SLC16A9: variants seen among roughly 807,000 people sequenced by gnomAD.
SLC16A9 encodes the protein solute carrier family 16 member 9, also known as monocarboxylate transporter 9.
In SLC16A9, 26 loss-of-function variants were observed where a neutral mutation model predicts 44.3. That is an observed-to-expected ratio of 0.59 (90% confidence interval 0.43 to 0.81). SLC16A9 has a LOEUF of 0.81. SLC16A9 is among the 40% of genes least tolerant of loss of function. SLC16A9 has a pLI of 0.00. For missense variants in SLC16A9, 559 were observed against 595.8 expected (o/e 0.94, Z 0.64); for synonymous variants, 230 against 225.1 (o/e 1.02, Z -0.19).
At chr10:59,688,665 A>G (rs992894240) in intron 1 of SLC16A9, among the ~76,000 whole-genome samples, 7 of 151,822 alleles carry the variant, frequency 4.6e-5, no homozygotes, top group African/African-American at 1.7e-4. Context: ...AATCCTCTTT[A>G]AAGAAAATAT....
intron 4 of SLC16A9, among the ~76,000 whole-genome samples, chr10:59,661,911 T>C (rs1180901590): frequency 1.3e-5 from 2 of 151,980 alleles, no homozygotes; most frequent in Admixed American, 6.6e-5. Flanking sequence ...ATAAATGGTG[T>C]TGGGAAAACA....
intron 1 of SLC16A9, among the ~76,000 whole-genome samples, chr10:59,702,616 C>A (rs1463138932): frequency 6.6e-6 from 1 of 152,204 alleles, no homozygotes; most frequent in Non-Finnish European, 1.5e-5. Context: ...GTCAGGCCCA[C>A]TTGTTTGTAG....
chr10:59,656,523 A>T (rs749603645), intron 4 of SLC16A9, among the ~76,000 whole-genome samples: 1 of 152,232 alleles, frequency 6.6e-6, no homozygotes, highest in Non-Finnish European at 1.5e-5. Flanking sequence ...CAAATTACAC[A>T]TTGGAGGCTA....
intron 1 of SLC16A9, among the ~76,000 whole-genome samples, chr10:59,702,401 G>A (rs867088091): frequency 3.3e-5 from 5 of 152,032 alleles, no homozygotes; most frequent in African/African-American, 7.3e-5. Context: ...TAACATACTC[G>A]CTGATGTGAA....
At chr10:59,677,319 G>A (rs1304700780) in intron 2 of SLC16A9, among the ~76,000 whole-genome samples, 1 of 151,698 alleles carries the variant, frequency 6.6e-6, no homozygotes, top group Non-Finnish European at 1.5e-5. Context: ...TTAAACTCCT[G>A]GTCTCAAGTG....
intron 3 of SLC16A9, among the ~76,000 whole-genome samples, chr10:59,671,288 C>T (rs1444128444): frequency 6.6e-6 from 1 of 152,104 alleles, no homozygotes; most frequent in Non-Finnish European, 1.5e-5. Context: ...GAAGGAAAGG[C>T]CAGGACTCTA....
At chr10:59,696,823 C>A in intron 1 of SLC16A9, among the ~76,000 whole-genome samples, 1 of 151,492 alleles carries the variant, frequency 6.6e-6, no homozygotes, top group Non-Finnish European at 1.5e-5. Flanking sequence ...AGCCCCTCCG[C>A]CCGGCAGCCA....
chr10:59,691,182 G>C (rs1052794799), intron 1 of SLC16A9, among the ~76,000 whole-genome samples: 2 of 152,166 alleles, frequency 1.3e-5, no homozygotes, highest in Non-Finnish European at 2.9e-5. Context: ...TACATTCAAC[G>C]TTTTGGAGTC....
intron 2 of SLC16A9, among the ~76,000 whole-genome samples, chr10:59,675,822 A>G (rs1839846808): frequency 6.6e-6 from 1 of 152,208 alleles, no homozygotes; most frequent in Admixed American, 6.5e-5. Flanking sequence ...AAACCCCAGA[A>G]CCATGCCAAC....
At chr10:59,658,230 C>T (rs890152289) in intron 4 of SLC16A9, among the ~76,000 whole-genome samples, 15 of 151,266 alleles carry the variant, frequency 9.9e-5, no homozygotes, top group East Asian at 1.9e-4. Flanking sequence ...TTCCAGTTGT[C>T]CTGCCTTTCC....
chr10:59,654,756 T>C (rs927983882), intron 4 of SLC16A9, among the ~76,000 whole-genome samples, 167 bp from the exon 5 acceptor site: 4 of 152,232 alleles, frequency 2.6e-5, no homozygotes, highest in Non-Finnish European at 4.4e-5. Context: ...AATATAGTAA[T>C]ACTGATAGAA....
At chr10:59,704,288 A>G (rs896644813) in intron 1 of SLC16A9, among the ~76,000 whole-genome samples, 2 of 151,842 alleles carry the variant, frequency 1.3e-5, no homozygotes, top group African/African-American at 4.8e-5. Flanking sequence ...CTACTACCCA[A>G]CCACTGCCCC....
At chr10:59,667,346 T>C (rs1317868414) in intron 3 of SLC16A9, among the ~76,000 whole-genome samples, 1 of 152,198 alleles carries the variant, frequency 6.6e-6, no homozygotes, top group African/African-American at 2.4e-5. Flanking sequence ...AAGCATATTG[T>C]AACATATTGA....
At chr10:59,679,251 A>G (rs1839935356) in intron 2 of SLC16A9, among the ~76,000 whole-genome samples, 1 of 152,176 alleles carries the variant, frequency 6.6e-6, no homozygotes, top group Non-Finnish European at 1.5e-5. Flanking sequence ...GTGTTAGCTC[A>G]TCTTAAAACA....
At position 59,664,272 on chromosome 10, in the gene SLC16A9, AC is replaced by A. The variant is rs755498463; in HGVS notation, c.390del (p.Gln130HisfsTer9). 1 of 1,612,842 alleles carries A rather than the reference AC, an allele frequency of 6.2e-7. No individual in the cohort carries two copies. Among genetic ancestry groups the A allele is most frequent in the East Asian group, 2.2e-5 (1 of 44,854 alleles). ...LYTATVTITC[Q>X]YFDDRRGLAL... Reference sequence around the variant, plus strand: ...GCTAGGCCTCGGCGATCGTCAAAATACTGGCACGTAATGGTCACTGTTGCAG... The same window carrying A: ...GCTAGGCCTCGGCGATCGTCAAAATATGGCACGTAATGGTCACTGTTGCAG... On this transcript the variant is annotated frameshift_variant, in exon 4 of 6. Transcript: ENST00000395348. LOFTEE classifies it high-confidence loss of function.
intron 5 of SLC16A9, among the ~76,000 whole-genome samples, chr10:59,653,399 C>G (rs1041326787): frequency 5.8e-5 from 6 of 102,664 alleles, no homozygotes; most frequent in African/African-American, 2.1e-4. Flanking sequence ...GCACTCCAGC[C>G]TGGGCGACAG....
chr10:59,706,630 T>TACACACACACACACACACACACACAC (rs60450481), intron 1 of SLC16A9, among the ~76,000 whole-genome samples: 14 of 146,022 alleles, frequency 9.6e-5, no homozygotes, highest in African/African-American at 2.8e-4. Context: ...AGAAATGTGA[T>TACACACACACACACACACACACACAC]ACACACACAC....
chr10:59,700,342 C>G (rs950314299), intron 1 of SLC16A9, among the ~76,000 whole-genome samples: 4 of 152,290 alleles, frequency 2.6e-5, no homozygotes, highest in African/African-American at 9.6e-5. Flanking sequence ...AAGCACTGCA[C>G]AGTCAAGTTC....
chr10:59,693,700 A>T (rs1462610280), intron 1 of SLC16A9, among the ~76,000 whole-genome samples: 1 of 151,480 alleles, frequency 6.6e-6, no homozygotes, highest in Non-Finnish European at 1.5e-5. Context: ...GCTCACCGTA[A>T]GCTCCGCCTC....
Sources: allele counts gnomAD v4.1 joint callset (sites outside exome capture counted in the v4.1 genomes callset), GRCh38; gene constraint gnomAD v4.1.1; transcripts MANE v1.5; gene names NCBI Gene and HGNC (gene_info 2026-07-23, HGNC 2026-07-21).